ADCK1: variants seen among roughly 807,000 people sequenced by gnomAD.
ADCK1 encodes aarF domain containing kinase 1.
A neutral mutation model predicts 52.3 loss-of-function variants in ADCK1; 41 were observed. The ratio of observed to expected loss-of-function variants is 0.78; its 90% CI spans 0.61 to 1.02. ADCK1 has a LOEUF of 1.02. Ranked by LOEUF, ADCK1 falls within the 50% of genes least tolerant of loss-of-function variation. The pLI, the probability that ADCK1 is intolerant of heterozygous loss-of-function variation, is 0.00. For synonymous variants in ADCK1, 250 were observed against 274.6 expected (o/e 0.91, Z 0.89); for missense variants, 658 against 679.5 (o/e 0.97, Z 0.35).
chr14:77,907,947 G>T, intron 7 of ADCK1, 28 bp downstream of exon 7: 5 of 1,603,728 alleles, frequency 3.1e-6, no homozygotes, highest in Non-Finnish European at 4.3e-6. Flanking sequence ...GGGCTGCTGT[G>T]CCGGGGAACG....
At position 77,846,188 on chromosome 14, in the gene ADCK1, A is replaced by G. The variant is rs1044274497; in HGVS notation, c.220-12888A>G. On this transcript the variant is annotated intron_variant, in intron 3 of 10. Coordinates refer to ENST00000238561, the MANE Select transcript of ADCK1 (RefSeq NM_020421.4). Reference sequence around the variant, plus strand: ...CATCTCTGCTCCCCTAAGCCAGTGTATCTTCTCCCACCTACCCTGAACCTC... The same window carrying G: ...CATCTCTGCTCCCCTAAGCCAGTGTGTCTTCTCCCACCTACCCTGAACCTC... 2.6e-5 allele frequency among the ~76,000 whole-genome samples: 4 copies of G among 152,162 alleles called. No individual in the cohort carries two copies. In the East Asian group the frequency reaches 7.7e-4, roughly 29 times the overall value.
intron 5 of ADCK1, 34 bp from the exon 6 acceptor site, chr14:77,899,066 G>A (rs1340011750): frequency 1.9e-6 from 3 of 1,611,864 alleles, no homozygotes; most frequent in Non-Finnish European, 1.7e-6. Context: ...TATATGCTGT[G>A]GGCCAAATGA....
chr14:77,801,939 TA>T (rs997088659), intron 1 of ADCK1, among the ~76,000 whole-genome samples: 68 of 146,728 alleles, frequency 4.6e-4, no homozygotes, highest in East Asian at 1.6e-3. Flanking sequence ...AGACTCCGTC[TA>T]AAAAAAAAAA....
chr14:77,805,062 C>T (rs913043768), intron 1 of ADCK1, among the ~76,000 whole-genome samples: 5 of 151,576 alleles, frequency 3.3e-5, no homozygotes, highest in East Asian at 2.0e-4. Flanking sequence ...CAAAATTAGC[C>T]GGACGTGGTG....
rs146644887 is a variant in ADCK1 at position 77,826,927 on chromosome 14, T to C, written c.219+4409T>C. ...CAGTTCTGGCCAGTGCGCAGGACTT[T>C]TCTGGGAAGAGCAGCTCTCTCTTTT... On this transcript the variant is annotated intron_variant, in intron 3 of 10. Coordinates refer to ENST00000238561, the MANE Select transcript of ADCK1 (RefSeq NM_020421.4). Among the ~76,000 whole-genome samples the C allele has an allele frequency of 5.9e-3, 900 of 152,300 alleles. 33 individuals carry two copies. Among genetic ancestry groups the C allele is most frequent in the Admixed American group, 0.05 (768 of 15,302 alleles).
chr14:77,876,007 G>A (rs890184666), intron 4 of ADCK1, among the ~76,000 whole-genome samples: 3 of 152,124 alleles, frequency 2.0e-5, no homozygotes, highest in Admixed American at 1.3e-4. Context: ...CACTGAGAGC[G>A]TAACACTAGT....
chr14:77,933,621 C>G lies in ADCK1; in HGVS notation c.*230C>G. On this transcript the variant is annotated 3_prime_UTR_variant, in exon 11 of 11. Transcript: ENST00000238561. ...CTCTCTCTTCTTCTCCAAGAAGACT[C>G]AGCAGCCTACATTCCCATTCCTGGT... 1 of 521,804 alleles carries G rather than the reference C, an allele frequency of 1.9e-6. No homozygotes were observed. Among genetic ancestry groups the G allele is most frequent in the Non-Finnish European group, 3.4e-6 (1 of 294,504 alleles). 32.3% of individuals were successfully genotyped at this position (521,804 alleles called of 1,614,324 possible).
At position 77,899,270 on chromosome 14, in the gene ADCK1, G is replaced by A. The variant is rs555150360; in HGVS notation, c.741+12G>A. On this transcript the variant is annotated intron_variant, in intron 6 of 10. Transcript: ENST00000238561. ...TTGACTTCTTGAAGGTAGGTGGGAC[G>A]ATGCAATGCAGGGTATGGTGGTCTG... The A allele has an allele frequency of 1.2e-4, 194 of 1,613,866 alleles. No individual in the cohort carries two copies. In the South Asian group the frequency reaches 1.9e-3, roughly 16 times the overall value.
intron 4 of ADCK1, among the ~76,000 whole-genome samples, chr14:77,885,625 A>T (rs2083130503): frequency 6.6e-6 from 1 of 151,974 alleles, no homozygotes; most frequent in Non-Finnish European, 1.5e-5. Flanking sequence ...CAAGGAGAGG[A>T]GTGGAGGGGC....
Position 77,824,415 on chromosome 14 carries a change from CCTTT to C in ADCK1, c.219+1918_219+1921del, listed in dbSNP as rs1162665297. Among the ~76,000 whole-genome samples the C allele has an allele frequency of 3.1e-3, 468 of 150,760 alleles. 4 individuals carry two copies. The highest frequency in any genetic ancestry group is 0.011 in the East Asian group (56 of 5,128). On this transcript the variant is annotated intron_variant, in intron 3 of 10. Transcript: ENST00000238561. ...TTCCCTTGTCCCCAAAATGTCTTTT[CCTTT>C]CTTTCTTTCTTTCTTTCTTTTTTTT...
chr14:77,880,998 G>A (rs933435803), intron 4 of ADCK1, among the ~76,000 whole-genome samples: 5 of 152,228 alleles, frequency 3.3e-5, no homozygotes, highest in Non-Finnish European at 5.9e-5. Context: ...GAGATTCCAA[G>A]GCACCATCTG....
intron 3 of ADCK1, among the ~76,000 whole-genome samples, chr14:77,852,683 A>ATATAT (rs1566667356): frequency 1.2e-5 from 1 of 84,026 alleles, no homozygotes; most frequent in African/African-American, 5.8e-5. Context: ...ATATATATAT[A>ATATAT]TATATATATA....
chr14:77,835,289 A>G (rs2081937542), intron 3 of ADCK1, among the ~76,000 whole-genome samples: 2 of 152,210 alleles, frequency 1.3e-5, no homozygotes, highest in South Asian at 4.1e-4. Flanking sequence ...TAATTCAGTG[A>G]TCACCCTCAT....
chr14:77,841,211 C>T lies in ADCK1; in HGVS notation c.220-17865C>T, dbSNP rs1386965936. Among the ~76,000 whole-genome samples the T allele has an allele frequency of 3.3e-5, 5 of 152,230 alleles. No homozygotes were observed. In the East Asian group the frequency reaches 9.7e-4, roughly 30 times the overall value. On this transcript the variant is annotated intron_variant, in intron 3 of 10. Coordinates refer to ENST00000238561, the MANE Select transcript of ADCK1 (RefSeq NM_020421.4). ...CCGATGTGGCAATGAGCTTGGCTCA[C>T]TGAAGGACATGGAGGGAGGCCCGAG...
intron 5 of ADCK1, among the ~76,000 whole-genome samples, chr14:77,892,578 C>T (rs2140222017): frequency 6.6e-6 from 1 of 151,294 alleles, no homozygotes; most frequent in East Asian, 1.9e-4. Flanking sequence ...CACGTAGTCC[C>T]AACACAGCTG....
intron 10 of ADCK1, 117 bp from the exon 11 acceptor site, chr14:77,933,103 G>T: frequency 9.9e-7 from 1 of 1,008,002 alleles, no homozygotes. Context: ...GTAGTCCCTA[G>T]GGGCAGGGAG....
intron 3 of ADCK1, among the ~76,000 whole-genome samples, chr14:77,848,620 C>A (rs2082218776): frequency 6.6e-6 from 1 of 152,090 alleles, no homozygotes; most frequent in African/African-American, 2.4e-5. Flanking sequence ...CACGTGCCAC[C>A]ATGCCTGGCT....
intron 3 of ADCK1, among the ~76,000 whole-genome samples, chr14:77,849,791 G>A (rs2082246175): frequency 6.6e-6 from 1 of 152,022 alleles, no homozygotes; most frequent in African/African-American, 2.4e-5. Flanking sequence ...GAGATTTCTT[G>A]GTTATTGATT....
At chr14:77,861,191 C>G (rs1418016053) in intron 4 of ADCK1, among the ~76,000 whole-genome samples, 1 of 152,172 alleles carries the variant, frequency 6.6e-6, no homozygotes. Flanking sequence ...GGGCTACTGT[C>G]CATGTCATGG....
Sources: gnomAD v4.1 joint callset for allele counts (sites outside exome capture counted in the v4.1 genomes callset) on GRCh38, gnomAD v4.1.1 for gene constraint, MANE v1.5 for transcripts, NCBI Gene and HGNC (gene_info 2026-07-23, HGNC 2026-07-21) for gene names.